The following SS18L1 variants were observed in gnomAD, a reference collection of about 807,000 sequenced individuals.
SS18L1 encodes the protein calcium-responsive transactivator.
Under a neutral mutation model 70.3 loss-of-function variants are expected in SS18L1, and 32 were observed. The ratio of observed to expected loss-of-function variants is 0.46; its 90% confidence interval spans 0.34 to 0.61. The LOEUF is 0.61. Ranked by LOEUF, SS18L1 falls within the 20% of genes least tolerant of loss-of-function variation. SS18L1 has a pLI of 0.01. For synonymous variants in SS18L1, 237 were observed against 229.7 expected, an observed-to-expected ratio of 1.03 and a Z score of -0.29; for missense variants, 430 against 542.1, an observed-to-expected ratio of 0.79 and a Z score of 2.05.
chr20:62,167,038 G>GTTTTTTTTTTTTTTTTTTTTTTT (rs201677571), intron 8 of SS18L1, among the ~76,000 whole-genome samples: 1 of 110,970 alleles, frequency 9.0e-6, no homozygotes, highest in Admixed American at 9.1e-5. Flanking sequence ...TCAGGAGTTT[G>GTTTTTTTTTTTTTTTTTTTTTTT]TTTGTTTTTT....
At chr20:62,155,562 CT>C (rs2057208092) in intron 1 of SS18L1, among the ~76,000 whole-genome samples, 1 of 152,046 alleles carries the variant, frequency 6.6e-6, no homozygotes, top group African/African-American at 2.4e-5. Flanking sequence ...GGGGCACTGC[CT>C]GCTATGCTCA....
chr20:62,170,244 G>A (rs1327610106), intron 8 of SS18L1, among the ~76,000 whole-genome samples: 2 of 152,208 alleles, frequency 1.3e-5, no homozygotes, highest in African/African-American at 2.4e-5. Flanking sequence ...GGTGGCTCAC[G>A]CCTGTAATCT....
chr20:62,166,559 C>T (rs933572782), intron 8 of SS18L1, among the ~76,000 whole-genome samples: 3 of 151,958 alleles, frequency 2.0e-5, no homozygotes, highest in Non-Finnish European at 2.9e-5. Context: ...ATGCCTGCAA[C>T]GTTGAAATGT....
In SS18L1 at chr20:62,158,740, G is replaced by T. The variant is rs779239836; in HGVS notation, c.138G>T (p.Glu46Asp). The part of the protein sequence containing the change: ...LEYQSKGKTA[E>D]CTQYQQILHR... ...ACCAGAGCAAGGGCAAGACGGCCGAGTGCACGCAGTGAGTGCCCGCCATAC... is the reference window on the plus strand; with the variant it reads ...ACCAGAGCAAGGGCAAGACGGCCGATTGCACGCAGTGAGTGCCCGCCATAC... Residue 46 changes from glutamate (E) to aspartate (D), a missense_variant, in exon 2 of 11, where the codon GAG (glutamate) becomes GAT (aspartate). Transcript: ENST00000331758. This position sits in a 1 kb window ranked among gnomAD's most constrained non-coding sequence, Gnocchi z 4.5. 1 of 1,612,888 alleles carries T rather than the reference G, an allele frequency of 6.2e-7. No individual in the cohort carries two copies. Among genetic ancestry groups the T allele is most frequent in the Non-Finnish European group, 8.5e-7 (1 of 1,180,042 alleles).
chr20:62,163,074 G>T, intron 5 of SS18L1, 143 bp downstream of exon 5: 1 of 1,149,526 alleles, frequency 8.7e-7, no homozygotes, highest in South Asian at 1.5e-5. Flanking sequence ...GGGGCTGGCC[G>T]CTGCCTCTGA....
rs550707304 is a variant in SS18L1, at chr20:62,172,663, T to C, written c.917-19T>C. On this transcript the variant is annotated intron_variant, in intron 8 of 10. Transcript: ENST00000331758. Reference sequence around the variant, plus strand: ...GCCCAGGTGGGGAAAGTCATTTCTGTGTCTCCTCCTCCCTCCAGGAAACTC... The same window carrying C: ...GCCCAGGTGGGGAAAGTCATTTCTGCGTCTCCTCCTCCCTCCAGGAAACTC... 1.2e-6 allele frequency: 2 copies of C among 1,614,124 alleles called. No individual in the cohort carries two copies. The highest frequency in any genetic ancestry group is 1.7e-5 in the Admixed American group (1 of 60,004).
At chr20:62,152,124 G>A (rs1207303702) in intron 1 of SS18L1, among the ~76,000 whole-genome samples, 4 of 152,134 alleles carry the variant, frequency 2.6e-5, no homozygotes, top group Non-Finnish European at 4.4e-5. Flanking sequence ...CTCCTGCCCA[G>A]CCTCCAGCCC....
At chr20:62,177,774 G>T (rs913661269) in intron 10 of SS18L1, among the ~76,000 whole-genome samples, 5 of 152,120 alleles carry the variant, frequency 3.3e-5, no homozygotes, top group African/African-American at 1.2e-4. Flanking sequence ...CCAGGCTGGA[G>T]TGCAGTGGCA....
At chr20:62,160,532 A>G (rs948820834) in intron 3 of SS18L1, among the ~76,000 whole-genome samples, 3 of 152,132 alleles carry the variant, frequency 2.0e-5, no homozygotes, top group Admixed American at 6.6e-5. Flanking sequence ...CAGCACAGTA[A>G]ATTCTCCCAG....
chr20:62,181,973 G>T lies in SS18L1; in HGVS notation c.*2765G>T. The T allele has an allele frequency of 4.4e-6, 1 of 228,904 alleles. No individual in the cohort carries two copies. The allele number at this position is 228,904 out of a possible 1,614,324, so 14.2% of individuals were successfully genotyped here. ...TTTGAAAAATGATGGCCAGTTTTCA[G>T]AAGTGCTGACAAATTCATATTGGTA... is the stretch of plus-strand genomic sequence containing the variant. On this transcript the variant is annotated 3_prime_UTR_variant, in exon 11 of 11. Transcript: ENST00000331758.
At chr20:62,144,728 A>G (rs1470868476) in intron 1 of SS18L1, among the ~76,000 whole-genome samples, 1 of 152,218 alleles carries the variant, frequency 6.6e-6, no homozygotes. Flanking sequence ...TGAAATTGAG[A>G]CTTTGTATTT....
chr20:62,153,786 G>A (rs2057175715), intron 1 of SS18L1, among the ~76,000 whole-genome samples: 1 of 152,158 alleles, frequency 6.6e-6, no homozygotes, highest in Non-Finnish European at 1.5e-5. Context: ...AATTCCTTTG[G>A]CTTCTCTTGG....
At chr20:62,164,576 A>G (rs116436466) in intron 7 of SS18L1, among the ~76,000 whole-genome samples, 70 of 152,338 alleles carry the variant, frequency 4.6e-4, no homozygotes, top group African/African-American at 1.6e-3. Context: ...ATAGGTGGAA[A>G]TGTTCAAGAA....
rs1207150500 is a variant in SS18L1, at chr20:62,159,445, C to G, written c.147-432C>G. Reference sequence around the variant, plus strand: ...CCTTCCCTGGCAGAACTGTGCTTCCCCATTTCTTTCCAGGGCTTTCTCAGG... The same window carrying G: ...CCTTCCCTGGCAGAACTGTGCTTCCGCATTTCTTTCCAGGGCTTTCTCAGG... On this transcript the variant is annotated intron_variant, in intron 2 of 10. Coordinates refer to ENST00000331758, the MANE Select transcript of SS18L1 (RefSeq NM_198935.3). This position sits in a 1 kb window ranked among gnomAD's most constrained non-coding sequence, Gnocchi z 4.4. Among the ~76,000 whole-genome samples the G allele has an allele frequency of 6.6e-6, 1 of 152,144 alleles. No individual in the cohort carries two copies. Among genetic ancestry groups the G allele is most frequent in the African/African-American group, 2.4e-5 (1 of 41,440 alleles).
intron 8 of SS18L1, among the ~76,000 whole-genome samples, chr20:62,170,875 C>G (rs1336211698): frequency 6.6e-6 from 1 of 152,108 alleles, no homozygotes; most frequent in African/African-American, 2.4e-5. Flanking sequence ...GGCCCGTTTC[C>G]TACAAACTGG....
intron 8 of SS18L1, among the ~76,000 whole-genome samples, chr20:62,167,585 C>T (rs915072899): frequency 1.3e-5 from 2 of 152,056 alleles, no homozygotes; most frequent in East Asian, 2.0e-4. Context: ...CTGTGGCCAG[C>T]ACCCAGAGGC....
At chr20:62,149,204 G>A (rs925043902) in intron 1 of SS18L1, among the ~76,000 whole-genome samples, 1 of 152,262 alleles carries the variant, frequency 6.6e-6, no homozygotes, top group Non-Finnish European at 1.5e-5. Context: ...GTGCCGAGCA[G>A]TTAGCGGGCT....
chr20:62,145,628 G>A (rs1018546783), intron 1 of SS18L1, among the ~76,000 whole-genome samples: 15 of 152,178 alleles, frequency 9.9e-5, no homozygotes, highest in African/African-American at 3.4e-4. Context: ...GTGCTGCCCC[G>A]AACATCAGAT....
chr20:62,153,696 G>C (rs1568740547), intron 1 of SS18L1, among the ~76,000 whole-genome samples: 1 of 152,144 alleles, frequency 6.6e-6, no homozygotes, highest in African/African-American at 2.4e-5. Flanking sequence ...CTTGTCACTA[G>C]TGTATCTCCT....
Sources: allele counts gnomAD v4.1 joint callset (sites outside exome capture counted in the v4.1 genomes callset), GRCh38; gene constraint gnomAD v4.1.1; non-coding constraint Gnocchi (gnomAD v3.1); transcripts MANE v1.5; gene names NCBI Gene and HGNC (gene_info 2026-07-23, HGNC 2026-07-21).